The following PTPN3 variants were observed in gnomAD, a reference collection of about 807,000 sequenced individuals.
The protein encoded by PTPN3 is tyrosine-protein phosphatase non-receptor type 3.
In PTPN3, 96 loss-of-function variants were observed where a neutral mutation model predicts 132.7. The observed-to-expected ratio is 0.72, with a 90% CI of 0.61 to 0.86. The LOEUF is 0.86. Among genes scored for constraint, PTPN3 ranks in the 40% least tolerant of loss-of-function variants. The pLI is 0.00. For synonymous variants in PTPN3, 398 were observed against 429.0 expected (o/e 0.93, Z 0.89); for missense variants, 1,125 against 1,159.6 (o/e 0.97, Z 0.43).
At chr9:109,448,716 G>T in intron 6 of PTPN3, 95 bp downstream of exon 6, 1 of 1,243,298 alleles carries the variant, frequency 8.0e-7, no homozygotes, top group Non-Finnish European at 1.2e-6. Flanking sequence ...ACTCTGTTTA[G>T]ATTTGATATT....
chr9:109,417,556 C>A, intron 14 of PTPN3: 2 of 943,948 alleles, frequency 2.1e-6, no homozygotes, highest in African/African-American at 1.8e-5. Flanking sequence ...CTTTTTTTCT[C>A]TCACCAGGTA....
the PTPN3 span, among the ~76,000 whole-genome samples, chr9:109,522,294 T>C: frequency 1.3e-5 from 2 of 152,186 alleles, no homozygotes; most frequent in Non-Finnish European, 2.9e-5. Flanking sequence ...GTGCAGGCTA[T>C]AGACCAAAGG....
At position 109,408,433 on chromosome 9, in the gene PTPN3, C is replaced by A; in HGVS notation, c.1579-56G>T. 13 of 1,413,982 alleles carry A rather than the reference C, an allele frequency of 9.2e-6. No homozygotes were observed. In the Admixed American group the frequency reaches 2.0e-4, roughly 21 times the overall value. 87.6% of individuals were successfully genotyped at this position (1,413,982 alleles called of 1,614,324 possible). On this transcript the variant is annotated intron_variant, in intron 16 of 25. Coordinates refer to ENST00000374541, the MANE Select transcript of PTPN3 (RefSeq NM_002829.4). ...AAGTTTTTTAAGTTAAACAAACAAACAAACAAAAAAACGAGTAGCTCACAG... is the reference window on the plus strand; with the variant it reads ...AAGTTTTTTAAGTTAAACAAACAAAAAAACAAAAAAACGAGTAGCTCACAG...
At position 109,463,449 on chromosome 9, in the gene PTPN3, A is replaced by G; in HGVS notation, c.-15T>C. 6.2e-7 allele frequency: 1 copy of G among 1,603,410 alleles called. No homozygotes were observed. Among genetic ancestry groups the G allele is most frequent in the South Asian group, 1.1e-5 (1 of 88,606 alleles). On this transcript the variant is annotated splice_region_variant and 5_prime_UTR_variant, in exon 2 of 26. Transcript: ENST00000374541. ...CGGGAGGTCATAACTATCGCTGAAT[A>G]ACCTGTAACATAAAATATACCTGTT...
At chr9:109,473,489 C>T (rs933803374) in intron 1 of PTPN3, among the ~76,000 whole-genome samples, 1 of 152,086 alleles carries the variant, frequency 6.6e-6, no homozygotes, top group African/African-American at 2.4e-5. Context: ...TTGATCCTGG[C>T]AGGGTAAGAA....
the PTPN3 span, among the ~76,000 whole-genome samples, chr9:109,521,994 G>T: frequency 2.0e-5 from 3 of 151,304 alleles, no homozygotes; most frequent in African/African-American, 7.3e-5. Flanking sequence ...GCTTAGAGAG[G>T]CTAGAGCCTG....
intron 22 of PTPN3, among the ~76,000 whole-genome samples, chr9:109,386,385 T>C (rs570305452): frequency 2.8e-4 from 43 of 152,336 alleles, no homozygotes; most frequent in Non-Finnish European, 6.0e-4. Flanking sequence ...AAAAGCTTGC[T>C]TTCTTGTTCA....
intron 2 of PTPN3, among the ~76,000 whole-genome samples, chr9:109,461,339 G>C (rs1845834225): frequency 6.6e-6 from 1 of 152,190 alleles, no homozygotes; most frequent in Non-Finnish European, 1.5e-5. Context: ...ACAAGGGATT[G>C]ACATCTTTAA....
chr9:109,462,143 A>G (rs963103338), intron 2 of PTPN3, among the ~76,000 whole-genome samples: 2 of 152,198 alleles, frequency 1.3e-5, no homozygotes, highest in African/African-American at 4.8e-5. Flanking sequence ...TCTACTGCCC[A>G]TTCCCACTCT....
chr9:109,441,124 C>T (rs189234973), intron 7 of PTPN3, among the ~76,000 whole-genome samples: 2 of 152,302 alleles, frequency 1.3e-5, no homozygotes, highest in Non-Finnish European at 2.9e-5. Flanking sequence ...CCTGCTCTTA[C>T]CTACTTACTA....
chr9:109,382,260 A>C, intron 24 of PTPN3, 42 bp downstream of exon 24: 1 of 1,601,266 alleles, frequency 6.2e-7, no homozygotes. Context: ...CTTTTCCGAC[A>C]GGGAAAGGAT....
At chr9:109,521,352 G>T in the PTPN3 span, among the ~76,000 whole-genome samples, 1 of 151,872 alleles carries the variant, frequency 6.6e-6, no homozygotes, top group Non-Finnish European at 1.5e-5. Context: ...TAGAGATGAG[G>T]TATCACCATG....
chr9:109,402,525 C>T (rs1016831776), intron 19 of PTPN3, among the ~76,000 whole-genome samples: 2 of 151,986 alleles, frequency 1.3e-5, no homozygotes, highest in Admixed American at 1.3e-4. Flanking sequence ...GTGATCCACT[C>T]GCCTCAGCCT....
intron 19 of PTPN3, among the ~76,000 whole-genome samples, chr9:109,404,017 G>A (rs1218564690): frequency 6.6e-6 from 1 of 152,188 alleles, no homozygotes; most frequent in Non-Finnish European, 1.5e-5. Flanking sequence ...TGGTCAGAGA[G>A]CTGGTTCCTT....
At chr9:109,490,775 G>A (rs766674696) in intron 1 of PTPN3, among the ~76,000 whole-genome samples, 3 of 151,450 alleles carry the variant, frequency 2.0e-5, no homozygotes, top group Non-Finnish European at 4.4e-5. Context: ...GGTCCTGAAG[G>A]ACCAAGAACA....
chr9:109,474,880 C>T (rs1376098874), intron 1 of PTPN3, among the ~76,000 whole-genome samples: 1 of 152,018 alleles, frequency 6.6e-6, no homozygotes, highest in Non-Finnish European at 1.5e-5. Context: ...GACTGCTTAC[C>T]CTCTCTGAGA....
At chr9:109,390,356 T>A (rs567817598) in intron 21 of PTPN3, among the ~76,000 whole-genome samples, 4 of 152,344 alleles carry the variant, frequency 2.6e-5, no homozygotes, top group Admixed American at 6.5e-5. Context: ...AGGCCAAATC[T>A]GTGTGCCACC....
At chr9:109,477,257 C>A (rs909153419) in intron 1 of PTPN3, among the ~76,000 whole-genome samples, 1 of 152,184 alleles carries the variant, frequency 6.6e-6, no homozygotes, top group Non-Finnish European at 1.5e-5. Context: ...TTGAGATAAT[C>A]TTTTATAAAC....
At chr9:109,423,713 T>C (rs1284028524) in intron 12 of PTPN3, among the ~76,000 whole-genome samples, 2 of 152,186 alleles carry the variant, frequency 1.3e-5, no homozygotes, top group Non-Finnish European at 2.9e-5. Context: ...ATCTTAGCTA[T>C]CTAGACCCCT....
Sources: allele counts gnomAD v4.1 joint callset (sites outside exome capture counted in the v4.1 genomes callset), GRCh38; gene constraint gnomAD v4.1.1; transcripts MANE v1.5; gene names NCBI Gene and HGNC (gene_info 2026-07-23, HGNC 2026-07-21).